Variants in PPP2R2C observed in about 807,000 individuals in gnomAD.
PPP2R2C encodes protein phosphatase 2 regulatory subunit Bgamma, also known as protein phosphatase 2, regulatory subunit B, gamma.
In PPP2R2C, 10 loss-of-function variants were observed where a neutral mutation model predicts 45.3. That is an observed-to-expected ratio of 0.22 (90% CI 0.14 to 0.37). The LOEUF (loss-of-function observed/expected upper bound fraction) is 0.37. PPP2R2C is among the 10% of genes least tolerant of loss of function. The pLI is 1.00. For missense variants in PPP2R2C, 308 were observed against 619.7 expected (o/e 0.50, Z 5.34); for synonymous variants, 257 against 245.4 (o/e 1.05, Z -0.44).
chr4:6,497,269 G>T (rs547442576), intron 2 of PPP2R2C, among the ~76,000 whole-genome samples: 2 of 152,148 alleles, frequency 1.3e-5, no homozygotes, highest in Non-Finnish European at 2.9e-5. Flanking sequence ...TGGGGAAAAC[G>T]TGCCCTACCA....
intron 1 of PPP2R2C, among the ~76,000 whole-genome samples, chr4:6,388,468 G>A (rs55706536): frequency 0.23 from 34,586 of 152,114 alleles, 4,269 homozygotes; most frequent in Middle Eastern, 0.29. Flanking sequence ...TCAAGTTAAG[G>A]TGCGGTCATA....
At chr4:6,562,154 C>T (rs945960567) in intron 1 of PPP2R2C, among the ~76,000 whole-genome samples, 13 of 152,112 alleles carry the variant, frequency 8.5e-5, no homozygotes, top group East Asian at 1.9e-4. Context: ...GCGACCAGGG[C>T]GTGGTCAGAG....
At chr4:6,390,708 G>A (rs1400972462) in intron 1 of PPP2R2C, among the ~76,000 whole-genome samples, 1 of 152,210 alleles carries the variant, frequency 6.6e-6, no homozygotes, top group Non-Finnish European at 1.5e-5. Flanking sequence ...TATCCCTGAT[G>A]GGATTTTATG....
At position 6,361,544 on chromosome 4, in the gene PPP2R2C, A is replaced by C. The variant is rs185456745; in HGVS notation, c.625+10979T>G. Among the ~76,000 whole-genome samples, 10 of 152,370 alleles carry C rather than the reference A, an allele frequency of 6.6e-5. No individual in the cohort carries two copies. In the East Asian group the frequency reaches 1.9e-3, roughly 29 times the overall value. On this transcript the variant is annotated intron_variant, in intron 5 of 8. Transcript: ENST00000382599. ...TGTAATGAGGATTTCACCAGATGAC[A>C]TATGTCAAAAGACCCAGCACATGGC...
chr4:6,500,229 C>A (rs1349073178), intron 2 of PPP2R2C, among the ~76,000 whole-genome samples: 2 of 152,168 alleles, frequency 1.3e-5, no homozygotes, highest in East Asian at 1.9e-4. Flanking sequence ...CTCACTGCAA[C>A]CTCCACCTCC....
At chr4:6,349,516 G>A in intron 5 of PPP2R2C, 1 of 985,358 alleles carries the variant, frequency 1.0e-6, no homozygotes, top group Non-Finnish European at 1.2e-6. Context: ...CTGAAACTCT[G>A]AAATCCATCT....
intron 1 of PPP2R2C, among the ~76,000 whole-genome samples, chr4:6,553,062 G>A (rs1560618908): frequency 6.6e-6 from 1 of 152,224 alleles, no homozygotes; most frequent in Non-Finnish European, 1.5e-5. Context: ...AGGGACTAAG[G>A]GCAAGGACAG....
rs1030994705 is a variant in PPP2R2C at position 6,328,339 on chromosome 4, G to T, written c.1052+923C>A. 6.6e-6 allele frequency among the ~76,000 whole-genome samples: 1 copy of T among 152,208 alleles called. No homozygotes were observed. ...GGAGACCCACTTCTGAATCTGGGCG[G>T]CTGGACAAAGAGGCATCCTGTCCTT... On this transcript the variant is annotated intron_variant, in intron 8 of 8. Coordinates refer to ENST00000382599, the MANE Select transcript of PPP2R2C (RefSeq NM_020416.4). This position sits in a 1 kb window ranked among gnomAD's most constrained non-coding sequence, Gnocchi z 4.4.
intron 1 of PPP2R2C, among the ~76,000 whole-genome samples, chr4:6,396,303 G>A (rs1226882948): frequency 6.6e-6 from 1 of 152,214 alleles, no homozygotes; most frequent in Non-Finnish European, 1.5e-5. Flanking sequence ...TGACGGAGCT[G>A]CAGTCAGGCC....
intron 1 of PPP2R2C, among the ~76,000 whole-genome samples, chr4:6,400,638 T>C (rs193100350): frequency 5.2e-5 from 8 of 152,382 alleles, no homozygotes; most frequent in Admixed American, 2.6e-4. Flanking sequence ...AAGGTATCTA[T>C]TGACCTAAGT....
chr4:6,401,099 T>G (rs1485533877), intron 1 of PPP2R2C, among the ~76,000 whole-genome samples: 1 of 152,238 alleles, frequency 6.6e-6, no homozygotes, highest in African/African-American at 2.4e-5. Context: ...ACTTCTGGAC[T>G]ATAAAATATG....
intron 5 of PPP2R2C, among the ~76,000 whole-genome samples, chr4:6,358,902 A>C (rs371311387): frequency 6.6e-6 from 1 of 152,238 alleles, no homozygotes; most frequent in South Asian, 2.1e-4. Context: ...TGGTGGGACT[A>C]TAAACTAGTT....
chr4:6,367,928 C>T (rs1714472082), intron 5 of PPP2R2C, among the ~76,000 whole-genome samples: 1 of 152,230 alleles, frequency 6.6e-6, no homozygotes, highest in Admixed American at 6.5e-5. Flanking sequence ...GCCTCAAGCC[C>T]AGCTCAGAAT....
chr4:6,332,902 T>A lies in PPP2R2C; in HGVS notation c.960+660A>T, dbSNP rs1476188482. On this transcript the variant is annotated intron_variant, in intron 7 of 8. Coordinates refer to ENST00000382599, the MANE Select transcript of PPP2R2C (RefSeq NM_020416.4). This position sits in a 1 kb window ranked among gnomAD's most constrained non-coding sequence, Gnocchi z 4.9. The stretch of plus-strand genomic sequence containing the variant: ...CAAATGCCACCTCCTCCAAGAAGCC[T>A]CCCTGATCTCCCCACCTAACTGGAA... 6.6e-6 allele frequency among the ~76,000 whole-genome samples: 1 copy of A among 152,166 alleles called. No homozygotes were observed. The highest frequency in any genetic ancestry group is 6.5e-5 in the Admixed American group (1 of 15,282).
intron 1 of PPP2R2C, among the ~76,000 whole-genome samples, chr4:6,407,711 C>T (rs1456037645): frequency 6.6e-6 from 1 of 152,148 alleles, no homozygotes; most frequent in African/African-American, 2.4e-5. Context: ...AGAAACCCAA[C>T]ATTTAGAAGT....
At chr4:6,552,285 A>G (rs1255416387) in intron 1 of PPP2R2C, among the ~76,000 whole-genome samples, 2 of 152,252 alleles carry the variant, frequency 1.3e-5, no homozygotes, top group East Asian at 1.9e-4. Flanking sequence ...TTATTCTCTA[A>G]CTGTTCTGGA....
At chr4:6,475,489 C>T (rs561485720), upstream of PPP2R2C, among the ~76,000 whole-genome samples, 5 of 152,300 alleles carry the variant, frequency 3.3e-5, no homozygotes, top group South Asian at 2.1e-4. Context: ...CACTCACTGC[C>T]GTGCCCTCCA....
At chr4:6,534,787 C>T (rs959616981) in intron 2 of PPP2R2C, among the ~76,000 whole-genome samples, 3 of 152,204 alleles carry the variant, frequency 2.0e-5, no homozygotes, top group South Asian at 2.1e-4. Context: ...TCATGGCACT[C>T]GCCCCCAGTC....
intron 6 of PPP2R2C, among the ~76,000 whole-genome samples, chr4:6,334,544 C>T (rs745365320): frequency 4.6e-5 from 7 of 152,132 alleles, no homozygotes; most frequent in Non-Finnish European, 8.8e-5. Context: ...TCTCTAAGCT[C>T]ATTTCTGCTG....
Sources: allele counts gnomAD v4.1 joint callset (sites outside exome capture counted in the v4.1 genomes callset), GRCh38; gene constraint gnomAD v4.1.1; non-coding constraint Gnocchi (gnomAD v3.1); transcripts MANE v1.5; gene names NCBI Gene and HGNC (gene_info 2026-07-23, HGNC 2026-07-21).